LRP1B: variants seen among roughly 807,000 people sequenced by gnomAD.
The protein encoded by LRP1B is low-density lipoprotein receptor-related protein 1B.
Under a neutral mutation model 556.6 loss-of-function variants are expected in LRP1B, and 217 were observed. The ratio of observed to expected loss-of-function variants is 0.39; its 90% CI spans 0.35 to 0.44. The LOEUF is 0.44. Among genes scored for constraint, LRP1B ranks in the 20% least tolerant of loss-of-function variants. The probability of loss-of-function intolerance (pLI) is 1.00; values close to 1 mark genes in which losing one functional copy is unlikely to be tolerated. For synonymous variants in LRP1B, 2,047 were observed against 1,865.8 expected (o/e 1.10, Z -2.50); for missense variants, 5,053 against 5,620.8 (o/e 0.90, Z 3.23).
At chr2:140,531,130 A>C (rs2104985016) in intron 47 of LRP1B, among the ~76,000 whole-genome samples, 1 of 152,188 alleles carries the variant, frequency 6.6e-6, no homozygotes, top group South Asian at 2.1e-4. Flanking sequence ...TCTGGAGAAA[A>C]CCCATAGTAA....
intron 1 of LRP1B, among the ~76,000 whole-genome samples, chr2:142,080,681 C>G (rs1400017250): frequency 6.6e-6 from 1 of 152,082 alleles, no homozygotes. Flanking sequence ...TGATCAGATT[C>G]ATGAAAAACA....
chr2:140,917,162 A>C (rs1336439892), intron 21 of LRP1B, among the ~76,000 whole-genome samples: 1 of 152,198 alleles, frequency 6.6e-6, no homozygotes, highest in Non-Finnish European at 1.5e-5. Flanking sequence ...TATACCTATC[A>C]GAATGATGAA....
chr2:141,107,878 C>T (rs998636741), intron 7 of LRP1B, among the ~76,000 whole-genome samples: 1 of 151,938 alleles, frequency 6.6e-6, no homozygotes, highest in African/African-American at 2.4e-5. Flanking sequence ...TATTTCTCAA[C>T]GTGTATGTAA....
intron 6 of LRP1B, among the ~76,000 whole-genome samples, chr2:141,209,485 T>G (rs576513274): frequency 8.5e-5 from 13 of 152,342 alleles, no homozygotes; most frequent in African/African-American, 2.9e-4. Context: ...TCAGGTATCT[T>G]CTTATCAGCA....
intron 7 of LRP1B, among the ~76,000 whole-genome samples, chr2:141,098,311 C>T (rs886178846): frequency 6.6e-6 from 1 of 152,162 alleles, no homozygotes; most frequent in African/African-American, 2.4e-5. Context: ...CAAATATCTA[C>T]AGCATATTCA....
intron 59 of LRP1B, among the ~76,000 whole-genome samples, chr2:140,477,074 T>C (rs915461824): frequency 1.3e-5 from 2 of 152,050 alleles, no homozygotes; most frequent in Non-Finnish European, 2.9e-5. Flanking sequence ...TTCAGTACTT[T>C]CCAATAAATT....
chr2:141,793,861 TAGAG>T (rs574802334), intron 2 of LRP1B, among the ~76,000 whole-genome samples: 9 of 151,974 alleles, frequency 5.9e-5, no homozygotes, highest in African/African-American at 1.9e-4. Flanking sequence ...TATCTGTACA[TAGAG>T]AGGAGTTTTT....
At chr2:141,856,127 A>G (rs1441786184) in intron 1 of LRP1B, among the ~76,000 whole-genome samples, 2 of 152,174 alleles carry the variant, frequency 1.3e-5, no homozygotes, top group African/African-American at 4.8e-5. Flanking sequence ...CTGGTGATAA[A>G]TGTTTTTCAT....
At chr2:141,552,073 CT>C (rs1685773836) in intron 2 of LRP1B, among the ~76,000 whole-genome samples, 1 of 152,002 alleles carries the variant, frequency 6.6e-6, no homozygotes, top group Non-Finnish European at 1.5e-5. Flanking sequence ...CAAAGTCTTT[CT>C]TTTTTTATAT....
chr2:141,509,490 T>A (rs1684045091), intron 2 of LRP1B, among the ~76,000 whole-genome samples: 1 of 152,182 alleles, frequency 6.6e-6, no homozygotes, highest in African/African-American at 2.4e-5. Flanking sequence ...CCCACTGTTA[T>A]TGTAAGTTTA....
chr2:140,901,601 G>A (rs1182684412), intron 23 of LRP1B, among the ~76,000 whole-genome samples: 1 of 152,046 alleles, frequency 6.6e-6, no homozygotes, highest in African/African-American at 2.4e-5. Flanking sequence ...ATTTTAAAAT[G>A]TACAATTACA....
At chr2:141,883,565 A>G (rs71417163) in intron 1 of LRP1B, among the ~76,000 whole-genome samples, 1 of 152,180 alleles carries the variant, frequency 6.6e-6, no homozygotes, top group Non-Finnish European at 1.5e-5. Flanking sequence ...ACAGAAAACA[A>G]CAACAAAAAA....
At chr2:141,680,004 G>A (rs921450685) in intron 2 of LRP1B, among the ~76,000 whole-genome samples, 1 of 151,752 alleles carries the variant, frequency 6.6e-6, no homozygotes, top group African/African-American at 2.4e-5. Flanking sequence ...AAATGAGATG[G>A]GCTTTAGCCA....
chr2:140,943,073 TGAAG>T (rs1461276093), intron 20 of LRP1B, among the ~76,000 whole-genome samples: 2 of 151,976 alleles, frequency 1.3e-5, no homozygotes, highest in Non-Finnish European at 2.9e-5. Flanking sequence ...AGGTTCAAAG[TGAAG>T]GGATGGAAAA....
intron 7 of LRP1B, among the ~76,000 whole-genome samples, chr2:141,175,106 C>T (rs530452126): frequency 4.9e-4 from 75 of 152,112 alleles, no homozygotes; most frequent in African/African-American, 1.7e-3. Flanking sequence ...TGTGACCTGG[C>T]TGTTTCTAAA....
chr2:140,543,350 G>A (rs1273621594), intron 43 of LRP1B, among the ~76,000 whole-genome samples: 5 of 144,340 alleles, frequency 3.5e-5, no homozygotes, highest in Non-Finnish European at 4.6e-5. Context: ...ACAATAGAGC[G>A]AAATCAGTAA....
At chr2:140,987,614 A>G (rs1334938649) in intron 17 of LRP1B, among the ~76,000 whole-genome samples, 1 of 152,106 alleles carries the variant, frequency 6.6e-6, no homozygotes, top group Non-Finnish European at 1.5e-5. Context: ...AATGCCTTCT[A>G]TTTTAAGGTG....
intron 3 of LRP1B, among the ~76,000 whole-genome samples, chr2:141,454,464 T>C (rs1469816423): frequency 7.2e-5 from 11 of 152,144 alleles, no homozygotes; most frequent in South Asian, 2.1e-4. Context: ...TCAGCTACTA[T>C]GGGCCCACTT....
intron 41 of LRP1B, among the ~76,000 whole-genome samples, chr2:140,662,873 G>A (rs1374262364): frequency 3.9e-5 from 6 of 152,060 alleles, no homozygotes; most frequent in African/African-American, 1.2e-4. Flanking sequence ...TCATTTTAGT[G>A]AGGCGCCTGC....
Sources: allele counts gnomAD v4.1 joint callset (sites outside exome capture counted in the v4.1 genomes callset), GRCh38; gene constraint gnomAD v4.1.1; transcripts MANE v1.5; gene names NCBI Gene and HGNC (gene_info 2026-07-23, HGNC 2026-07-21).